Variants in TUB observed in about 807,000 individuals in gnomAD.
TUB encodes the protein tubby protein homolog.
A neutral mutation model predicts 59.7 loss-of-function variants in TUB; 33 were observed. That is an observed-to-expected ratio of 0.55 (90% CI 0.42 to 0.74). The LOEUF is 0.74. TUB is among the 30% of genes least tolerant of loss of function. TUB has a pLI of 0.00. For synonymous variants in TUB, 293 were observed against 256.4 expected, an observed-to-expected ratio of 1.14 and a Z score of -1.36; for missense variants, 659 against 672.0, an observed-to-expected ratio of 0.98 and a Z score of 0.21.
At chr11:8,055,365 G>T (rs563451761) in intron 2 of TUB, among the ~76,000 whole-genome samples, 2 of 152,326 alleles carry the variant, frequency 1.3e-5, no homozygotes, top group East Asian at 1.9e-4. Flanking sequence ...GTAAGAAGGG[G>T]TGTACCCCTG....
intron 8 of TUB, among the ~76,000 whole-genome samples, chr11:8,098,258 G>C (rs984225953): frequency 6.6e-6 from 1 of 152,134 alleles, no homozygotes; most frequent in East Asian, 1.9e-4. Context: ...GCCTCCAGGT[G>C]GGGGCAGTGG....
chr11:8,081,693 C>G (rs1396884155), intron 1 of TUB, 145 bp downstream of exon 1: 1 of 931,982 alleles, frequency 1.1e-6, no homozygotes, highest in South Asian at 2.7e-5. Context: ...GGTCCTTCCT[C>G]CCTCAACTTT....
intron 2 of TUB, among the ~76,000 whole-genome samples, chr11:8,043,666 T>C (rs1238204140): frequency 1.3e-5 from 2 of 152,234 alleles, no homozygotes; most frequent in Non-Finnish European, 2.9e-5. Flanking sequence ...TTCCTCAGTG[T>C]TTTATTCTTC....
At chr11:8,074,091 T>C (rs927257921) in intron 2 of TUB, among the ~76,000 whole-genome samples, 24 of 117,398 alleles carry the variant, frequency 2.0e-4, no homozygotes, top group African/African-American at 6.7e-4. Flanking sequence ...ATATGGGTTT[T>C]TGTGGTTTTT....
In TUB at chr11:8,039,443, C is replaced by T. The variant is rs1942706620; in HGVS notation, c.156-202C>T. The T allele has an allele frequency of 8.5e-6, 4 of 471,548 alleles. No homozygotes were observed. The South Asian group carries it at 1.6e-4, about 19-fold the overall frequency. The allele number at this position is 471,548 out of a possible 1,614,324, so 29.2% of individuals were successfully genotyped here. ...GCCCTCATCTGGACTGCCTGCCTGC[C>T]TGCCTGCCATCCGGGGCCCACAGAG... On this transcript the variant is annotated intron_variant, in intron 1 of 12. Transcript: ENST00000305253.
chr11:8,062,839 C>T lies in TUB; in HGVS notation c.203+23147C>T, dbSNP rs551329884. Among the ~76,000 whole-genome samples, 401 of 152,144 alleles carry T rather than the reference C, an allele frequency of 2.6e-3. 4 individuals carry two copies. The highest frequency in any genetic ancestry group is 8.9e-3 in the African/African-American group (369 of 41,494). ...GCTCTTGGCGGACACCTACCCGGGG[C>T]CAGGAAGCCCAGGCTCTGCCTACAG... On this transcript the variant is annotated intron_variant, in intron 2 of 12. Coordinates refer to the TUB transcript ENST00000305253.
rs149559720 is a variant in TUB at position 8,101,630 on chromosome 11, G to A, written c.*11G>A. ...CTGGCGTGCGAGTAGAGGCCTCTTC[G>A]TGCCCTTTGGGGTTGCCCAGCCTGG... is the stretch of plus-strand genomic sequence containing the variant. On this transcript the variant is annotated 3_prime_UTR_variant, in exon 12 of 12. Coordinates refer to ENST00000299506, the MANE Select transcript of TUB (RefSeq NM_177972.3). The A allele has an allele frequency of 2.7e-3, 4,372 of 1,613,822 alleles. 12 individuals are homozygous for A. The highest frequency in any genetic ancestry group is 3.0e-3 in the Non-Finnish European group (3,593 of 1,179,856).
chr11:8,068,813 T>G (rs906949823), intron 2 of TUB: 3 of 152,308 alleles, frequency 2.0e-5, no homozygotes, highest in Non-Finnish European at 4.4e-5. Flanking sequence ...CAGTAACCCA[T>G]GATCTTCACA....
chr11:8,093,571 C>T (rs913117366), intron 3 of TUB, among the ~76,000 whole-genome samples: 1 of 152,164 alleles, frequency 6.6e-6, no homozygotes, highest in East Asian at 1.9e-4. Flanking sequence ...TCTGAGCACT[C>T]CTACACCCCA....
chr11:8,097,448 A>G (rs200788152), intron 7 of TUB, 23 bp downstream of exon 7: 45 of 1,614,180 alleles, frequency 2.8e-5, no homozygotes, highest in African/African-American at 4.0e-5. Flanking sequence ...TGGGCATGTT[A>G]TCATCTAGGC....
At chr11:8,064,890 C>T (rs555074234) in intron 2 of TUB, among the ~76,000 whole-genome samples, 5 of 152,134 alleles carry the variant, frequency 3.3e-5, no homozygotes, top group Non-Finnish European at 5.9e-5. Flanking sequence ...CAAAGGACTC[C>T]GCAAACTTGG....
intron 11 of TUB, 81 bp from the exon 12 acceptor site, chr11:8,101,405 T>C (rs1944295869): frequency 6.4e-7 from 1 of 1,555,972 alleles, no homozygotes; most frequent in Non-Finnish European, 8.8e-7. Flanking sequence ...CCTCATGTGG[T>C]TTGGGTGTCT....
At chr11:8,058,555 T>C (rs549956485) in intron 2 of TUB, among the ~76,000 whole-genome samples, 1 of 152,328 alleles carries the variant, frequency 6.6e-6, no homozygotes, top group East Asian at 1.9e-4. Flanking sequence ...AGATTACATT[T>C]TAAAGGGTGT....
intron 1 of TUB, among the ~76,000 whole-genome samples, chr11:8,084,456 A>G (rs910557004): frequency 1.3e-5 from 2 of 152,220 alleles, no homozygotes; most frequent in Non-Finnish European, 2.9e-5. Flanking sequence ...AAATGCCCTT[A>G]GTACATTTAC....
chr11:8,097,930 T>C (rs1392210868), intron 8 of TUB, 104 bp downstream of exon 8: 3 of 831,820 alleles, frequency 3.6e-6, no homozygotes, highest in African/African-American at 3.4e-5. Flanking sequence ...AGGCCAGGGA[T>C]GGATACTCTC....
At chr11:8,096,363 A>C (rs1943991189) in intron 5 of TUB, among the ~76,000 whole-genome samples, 1 of 152,160 alleles carries the variant, frequency 6.6e-6, no homozygotes, top group African/African-American at 2.4e-5. Flanking sequence ...CTTGATACAC[A>C]AGAGACAGTG....
chr11:8,054,920 A>G (rs1168908095), intron 2 of TUB, among the ~76,000 whole-genome samples: 2 of 152,222 alleles, frequency 1.3e-5, no homozygotes, highest in Non-Finnish European at 2.9e-5. Flanking sequence ...TCAAAGGGCC[A>G]GAAGGTGAAG....
upstream of TUB, among the ~76,000 whole-genome samples, chr11:8,037,303 T>A (rs967226929): frequency 6.6e-6 from 1 of 152,224 alleles, no homozygotes; most frequent in Non-Finnish European, 1.5e-5. Context: ...TCTCTGAGCC[T>A]GATTTTCCCA....
intron 1 of TUB, among the ~76,000 whole-genome samples, chr11:8,031,932 T>C (rs925743846): frequency 2.6e-5 from 4 of 152,190 alleles, no homozygotes; most frequent in Non-Finnish European, 4.4e-5. Context: ...GGGTGTCATC[T>C]GTCTGGCGGC....
Sources: allele counts gnomAD v4.1 joint callset (sites outside exome capture counted in the v4.1 genomes callset), GRCh38; gene constraint gnomAD v4.1.1; transcripts MANE v1.5; gene names NCBI Gene and HGNC (gene_info 2026-07-23, HGNC 2026-07-21).